The following CLIP4 variants were observed in gnomAD, a reference collection of about 807,000 sequenced individuals.
CLIP4 encodes the protein CAP-Gly domain-containing linker protein 4.
A neutral mutation model predicts 73.1 loss-of-function variants in CLIP4; 47 were observed. That is an observed-to-expected ratio of 0.64 (90% confidence interval 0.51 to 0.82). The LOEUF is 0.82. CLIP4 is among the 40% of genes least tolerant of loss of function. The pLI, the probability that CLIP4 is intolerant of heterozygous loss-of-function variation, is 0.00. For missense variants in CLIP4, 874 were observed against 852.9 expected (o/e 1.02, Z -0.31); for synonymous variants, 306 against 295.4 (o/e 1.04, Z -0.37).
intron 2 of CLIP4, among the ~76,000 whole-genome samples, chr2:29,125,703 C>T (rs1558521428): frequency 6.6e-6 from 1 of 152,166 alleles, no homozygotes; most frequent in African/African-American, 2.4e-5. Flanking sequence ...GTATTCCATT[C>T]CTCAGAGATC....
At chr2:29,172,027 T>C (rs60677871) in intron 14 of CLIP4, among the ~76,000 whole-genome samples, 10,641 of 149,430 alleles carry the variant, frequency 0.071, 1,303 homozygotes, top group African/African-American at 0.25. Context: ...TTTTTTTTCA[T>C]TCTGTTTACT....
upstream of CLIP4, chr2:29,114,094 G>A (rs566277661): frequency 2.0e-5 from 3 of 151,946 alleles, no homozygotes; most frequent in East Asian, 5.9e-4. Context: ...AAATATTGTG[G>A]GTTTTAGTCA....
chr2:29,148,019 C>A (rs970372210), intron 8 of CLIP4, among the ~76,000 whole-genome samples: 1 of 152,244 alleles, frequency 6.6e-6, no homozygotes, highest in African/African-American at 2.4e-5. Flanking sequence ...AGATTGCCAG[C>A]AGAACTCATG....
intron 11 of CLIP4, among the ~76,000 whole-genome samples, chr2:29,159,791 G>C (rs1281645172): frequency 6.6e-6 from 1 of 150,830 alleles, no homozygotes; most frequent in East Asian, 2.0e-4. Flanking sequence ...TAGTAGAATA[G>C]AAATTGTCAA....
At chr2:29,176,768 C>G (rs1668369527) in intron 15 of CLIP4, among the ~76,000 whole-genome samples, 1 of 152,194 alleles carries the variant, frequency 6.6e-6, no homozygotes, top group Admixed American at 6.5e-5. Flanking sequence ...TAACTCTTCT[C>G]CATGTTACCA....
At chr2:29,166,938 TAAAG>T (rs1274811744) in intron 13 of CLIP4, among the ~76,000 whole-genome samples, 2 of 152,154 alleles carry the variant, frequency 1.3e-5, no homozygotes, top group East Asian at 1.9e-4. Flanking sequence ...TTTTTAAAGA[TAAAG>T]AATGATTTGA....
Position 29,155,766 on chromosome 2 carries a change from C to T in CLIP4, c.1166-588C>T, listed in dbSNP as rs574159717. Among the ~76,000 whole-genome samples the T allele has an allele frequency of 2.6e-5, 4 of 152,288 alleles. No individual in the cohort carries two copies. In the East Asian group the frequency reaches 7.7e-4, roughly 29 times the overall value. ...ATGTCTGACTGGTCCCTGCTTCCAG[C>T]CTCTCCCGCTGTGGTTTCGTTGCAG... On this transcript the variant is annotated intron_variant, in intron 9 of 15. Coordinates refer to ENST00000320081, the MANE Select transcript of CLIP4 (RefSeq NM_024692.6).
chr2:29,123,046 G>A (rs569174060), intron 2 of CLIP4, among the ~76,000 whole-genome samples: 26 of 152,188 alleles, frequency 1.7e-4, no homozygotes, highest in African/African-American at 6.3e-4. Flanking sequence ...AATTGTTTTC[G>A]TATGTTGACT....
intron 11 of CLIP4, among the ~76,000 whole-genome samples, chr2:29,158,345 AAATTT>A (rs1558564690): frequency 6.8e-6 from 1 of 146,664 alleles, no homozygotes; most frequent in African/African-American, 2.5e-5. Context: ...CTTGATTTTA[AAATTT>A]ATACATGGGT....
At position 29,135,477 on chromosome 2, in the gene CLIP4, C is replaced by T. The variant is rs913632574; in HGVS notation, c.530-71C>T. 7.1e-6 allele frequency: 8 copies of T among 1,123,532 alleles called. No individual in the cohort carries two copies. In the African/African-American group the frequency reaches 9.5e-5, roughly 13 times the overall value. 69.6% of individuals were successfully genotyped at this position (1,123,532 alleles called of 1,614,324 possible). On this transcript the variant is annotated intron_variant, in intron 5 of 15. Transcript: ENST00000320081. ...TGCTATAAGTCCCTCCTCCCAAAGC[C>T]CTGTCTTCTTTTAAATTATGATAGC...
In CLIP4 at chr2:29,160,332, G is replaced by C; in HGVS notation, c.1400-1G>C. ...CCTGTATCCCTCCCTGACTTAAACAGGTTTGAATTCCTCAGCAACATCTAC... is the reference window on the plus strand; with the variant it reads ...CCTGTATCCCTCCCTGACTTAAACACGTTTGAATTCCTCAGCAACATCTAC... On this transcript the variant is annotated splice_acceptor_variant, in intron 11 of 15. Transcript: ENST00000320081. LOFTEE classifies it high-confidence loss of function. 6.2e-7 allele frequency: 1 copy of C among 1,613,970 alleles called. No individual in the cohort carries two copies. The highest frequency in any genetic ancestry group is 8.5e-7 in the Non-Finnish European group (1 of 1,179,962).
chr2:29,101,004 A>T (rs1310996928), intron 1 of CLIP4, among the ~76,000 whole-genome samples: 1 of 152,138 alleles, frequency 6.6e-6, no homozygotes, highest in Non-Finnish European at 1.5e-5. Context: ...AAAAGTAGGG[A>T]AGCCGCCCAA....
chr2:29,137,949 G>A (rs1665488213), intron 6 of CLIP4, among the ~76,000 whole-genome samples: 1 of 152,046 alleles, frequency 6.6e-6, no homozygotes, highest in Admixed American at 6.6e-5. Flanking sequence ...TACCCATTCT[G>A]TAGGTTGTCT....
At chr2:29,122,786 A>G (rs1333838140) in intron 2 of CLIP4, among the ~76,000 whole-genome samples, 1 of 138,334 alleles carries the variant, frequency 7.2e-6, no homozygotes, top group Non-Finnish European at 1.5e-5. Context: ...AGATCGCATC[A>G]CTGCACTCCA....
intron 14 of CLIP4, among the ~76,000 whole-genome samples, chr2:29,169,561 G>C (rs1024146544): frequency 1.3e-5 from 2 of 152,104 alleles, no homozygotes; most frequent in African/African-American, 4.8e-5. Flanking sequence ...GCAAAATTCA[G>C]CCTGTAACAG....
At chr2:29,178,724 CCTCTT>C (rs1446238549) in intron 15 of CLIP4, among the ~76,000 whole-genome samples, 1 of 152,148 alleles carries the variant, frequency 6.6e-6, no homozygotes, top group Non-Finnish European at 1.5e-5. Flanking sequence ...ATTGAACTCT[CCTCTT>C]CCTTACTCCC....
intron 8 of CLIP4, 134 bp from the exon 9 acceptor site, chr2:29,152,551 T>C: frequency 2.4e-6 from 2 of 823,396 alleles, no homozygotes; most frequent in Non-Finnish European, 3.7e-6. Flanking sequence ...TTACATTTTT[T>C]TTCCTCTCAT....
intron 11 of CLIP4, among the ~76,000 whole-genome samples, chr2:29,158,991 G>C (rs939930766): frequency 6.6e-6 from 1 of 152,204 alleles, no homozygotes; most frequent in Non-Finnish European, 1.5e-5. Flanking sequence ...GCGACAAGGG[G>C]ACGGGCCTGA....
chr2:29,127,490 G>A (rs1241750687), intron 2 of CLIP4, among the ~76,000 whole-genome samples: 1 of 152,104 alleles, frequency 6.6e-6, no homozygotes, highest in Non-Finnish European at 1.5e-5. Flanking sequence ...TAGGTCTTAA[G>A]GGAAAAGAGA....
Sources: allele counts gnomAD v4.1 joint callset (sites outside exome capture counted in the v4.1 genomes callset), GRCh38; gene constraint gnomAD v4.1.1; transcripts MANE v1.5; gene names NCBI Gene and HGNC (gene_info 2026-07-23, HGNC 2026-07-21).